The following ZBTB49 variants were observed in gnomAD, a reference collection of about 807,000 sequenced individuals.
The protein encoded by ZBTB49 is zinc finger and BTB domain-containing protein 49.
Under a neutral mutation model 57.5 loss-of-function variants are expected in ZBTB49, and 43 were observed. That is an observed-to-expected ratio of 0.75 (90% CI 0.59 to 0.97). The LOEUF (loss-of-function observed/expected upper bound fraction) is 0.97, where lower values mean the gene tolerates loss of function less well. ZBTB49 is among the 50% of genes least tolerant of loss of function. The pLI, the probability that ZBTB49 is intolerant of heterozygous loss-of-function variation, is 0.00. For synonymous variants in ZBTB49, 369 were observed against 362.1 expected, an observed-to-expected ratio of 1.02 and a Z score of -0.22; for missense variants, 938 against 947.7, an observed-to-expected ratio of 0.99 and a Z score of 0.13.
chr4:4,301,757 A>G (rs1287581549), intron 2 of ZBTB49, among the ~76,000 whole-genome samples: 33 of 152,170 alleles, frequency 2.2e-4, no homozygotes, highest in Admixed American at 2.2e-3. Flanking sequence ...TTCAAAATTT[A>G]CTTTGAGATA....
At chr4:4,299,498 ATG>A (rs1720376018) in intron 1 of ZBTB49, among the ~76,000 whole-genome samples, 1 of 152,142 alleles carries the variant, frequency 6.6e-6, no homozygotes, top group African/African-American at 2.4e-5. Context: ...ATACATTTTT[ATG>A]TATGTGTATA....
At position 4,290,342 on chromosome 4, in the gene ZBTB49, G is replaced by A. The variant is rs552209184; in HGVS notation, c.-30G>A. ...AAGAGTAGGCGGCGGGGCAGAGAGC[G>A]GCCTCCGAGGGTAAGGTGGCCGGCC... On this transcript the variant is annotated 5_prime_UTR_variant, in exon 1 of 8. Coordinates refer to ENST00000337872, the MANE Select transcript of ZBTB49 (RefSeq NM_145291.4). 1 of 152,586 alleles carries A rather than the reference G, an allele frequency of 6.6e-6. No individual in the cohort carries two copies. Among genetic ancestry groups the A allele is most frequent in the Admixed American group, 6.5e-5 (1 of 15,312 alleles). The allele number at this position is 152,586 out of a possible 1,614,324, so 9.5% of individuals were successfully genotyped here.
chr4:4,294,889 G>A (rs892967668), intron 1 of ZBTB49, among the ~76,000 whole-genome samples: 5 of 151,562 alleles, frequency 3.3e-5, no homozygotes, highest in Admixed American at 2.0e-4. Flanking sequence ...GTGTGTGTGT[G>A]TGTGTGTGTG....
rs573672529 is a variant in ZBTB49 at position 4,320,788 on chromosome 4, C to G, written c.1770C>G (p.Asp590Glu). ...RHKKMHCKAG[D>E]ESPDVLEELS... ...AGAAGATGCACTGCAAAGCTGGTGA[C>G]GAGAGCCCAGATGTGCTGGAGGAGC... Residue 590 changes from aspartate to glutamate, a missense_variant, in exon 8 of 8, where the codon GAC (aspartate) becomes GAG (glutamate). This residue lies in a region of ZBTB49 where 835 missense variants were observed against 819.1 expected (regional missense o/e 1.02). Coordinates refer to ENST00000337872, the MANE Select transcript of ZBTB49 (RefSeq NM_145291.4). 3 of 1,614,164 alleles carry G rather than the reference C, an allele frequency of 1.9e-6. No homozygotes were observed. The highest frequency in any genetic ancestry group is 2.5e-6 in the Non-Finnish European group (3 of 1,180,040).
At chr4:4,320,074 G>A (rs765023005) in intron 7 of ZBTB49, among the ~76,000 whole-genome samples, 3 of 151,702 alleles carry the variant, frequency 2.0e-5, no homozygotes, top group South Asian at 2.1e-4. Context: ...ACAAACACCC[G>A]AATACACAAA....
Position 4,302,395 on chromosome 4 carries a change from G to A in ZBTB49, c.559G>A (p.Ala187Thr), listed in dbSNP as rs181333843. Residue 187 changes from alanine (A) to threonine (T), a missense_variant, in exon 3 of 8, where the codon GCA becomes ACA. Coordinates refer to ENST00000337872, the MANE Select transcript of ZBTB49 (RefSeq NM_145291.4). The stretch of plus-strand genomic sequence containing the variant: ...ACCATCAGTTAATCGTCATCACTCC[G>A]CAGGTGAAATCTCAAAACAAGCTCC... ...ASPSVNRHHSAGEISKQAPDT... is the reference protein window; with the variant it reads ...ASPSVNRHHSTGEISKQAPDT... 1.8e-4 allele frequency: 285 copies of A among 1,614,198 alleles called. No homozygotes were observed. In the East Asian group the frequency reaches 5.4e-3, roughly 31 times the overall value.
intron 7 of ZBTB49, among the ~76,000 whole-genome samples, chr4:4,317,232 A>G (rs1721228457): frequency 1.3e-5 from 2 of 151,934 alleles, no homozygotes; most frequent in African/African-American, 4.8e-5. Context: ...TGCCTCACTA[A>G]CCCTGGTTTC....
chr4:4,315,377 G>A (rs1431628833), intron 5 of ZBTB49, among the ~76,000 whole-genome samples: 1 of 152,158 alleles, frequency 6.6e-6, no homozygotes, highest in African/African-American at 2.4e-5. Flanking sequence ...CTTGTGCTCT[G>A]TAAAACTGAG....
chr4:4,300,024 T>C lies in ZBTB49; in HGVS notation c.79T>C (p.Cys27Arg), dbSNP rs1180262587. 2 of 1,614,218 alleles carry C rather than the reference T, an allele frequency of 1.2e-6. No individual in the cohort carries two copies. Among genetic ancestry groups the C allele is most frequent in the Non-Finnish European group, 1.7e-6 (2 of 1,180,032 alleles). The change falls in exon 2 of 8, where the codon TGT becomes CGT. Residue 27 changes from cysteine (C) to arginine (R), a missense_variant. Cys to Arg is a radical substitution (Grantham distance 180). Around this residue, in one of 3 missense-constraint regions of ZBTB49, gnomAD observed 100 missense variants for 112.5 expected, o/e 0.89. Transcript: ENST00000337872. ...GCGAATCCAAGGCCTGCTTTGTGAC[T>C]GTATGTTGGTGGTAAAAGGAGTCTG... is the stretch of plus-strand genomic sequence containing the variant. ...EQRIQGLLCD[C>R]MLVVKGVCFK...
rs200841348 is a variant in ZBTB49 at position 4,302,181 on chromosome 4, A to G, written c.345A>G (p.Thr115=). 480 of 1,614,118 alleles carry G rather than the reference A, an allele frequency of 3.0e-4. 1 individual carries two copies. Among genetic ancestry groups the G allele is most frequent in the Non-Finnish European group, 3.9e-4 (460 of 1,180,052 alleles). ...QVQNVLSLCH[T]FLKSATVVQP... is the part of the protein sequence containing the mutation. Reference sequence around the variant, plus strand: ...AAAATGTTCTGAGTCTGTGTCACACATTTTTAAAATCAGCCACTGTAGTAC... The same window carrying G: ...AAAATGTTCTGAGTCTGTGTCACACGTTTTTAAAATCAGCCACTGTAGTAC... Residue 115 remains threonine (T), a synonymous_variant, in exon 3 of 8, where the codon ACA becomes ACG. Transcript: ENST00000337872.
intron 2 of ZBTB49, among the ~76,000 whole-genome samples, chr4:4,300,978 A>G (rs1720448142): frequency 6.6e-6 from 1 of 152,126 alleles, no homozygotes; most frequent in Admixed American, 6.6e-5. Context: ...GAATCATCAA[A>G]TTGAGTCTCA....
rs764708698 is a variant in ZBTB49 at position 4,321,267 on chromosome 4, G to T, written c.2249G>T (p.Trp750Leu). The T allele has an allele frequency of 6.2e-7, 1 of 1,613,838 alleles. No homozygotes were observed. Among genetic ancestry groups the T allele is most frequent in the African/African-American group, 1.3e-5 (1 of 75,046 alleles). Residue 750 changes from tryptophan to leucine, a missense_variant, in exon 8 of 8, where the codon TGG becomes TTG. Coordinates refer to ENST00000337872, the MANE Select transcript of ZBTB49 (RefSeq NM_145291.4). The stretch of plus-strand genomic sequence containing the variant: ...CAGTTTTTCTCCAGCATGACTCTCT[G>T]GGGGCTAGCGATGAAGACGCTGCAG... ...EGQFFSSMTL[W>L]GLAMKTLQNE... is the part of the protein sequence containing the mutation.
Position 4,303,005 on chromosome 4 carries a change from A to G in ZBTB49, c.1169A>G (p.Gln390Arg), listed in dbSNP as rs776324476. The G allele has an allele frequency of 6.8e-6, 11 of 1,614,112 alleles. No individual in the cohort carries two copies. Among genetic ancestry groups the G allele is most frequent in the Non-Finnish European group, 8.5e-6 (10 of 1,180,048 alleles). ...CTGGAAGACCAGTCCCAGACACTTC[A>G]GTCCCAGAGACAATACGCGTGTGAA... ...AALEDQSQTL[Q>R]SQRQYACELC... The change falls in exon 3 of 8, where the codon CAG becomes CGG. Residue 390 changes from glutamine to arginine, a missense_variant. By Grantham distance (43) the Gln-to-Arg change is conservative. Around this residue, in one of 3 missense-constraint regions of ZBTB49, gnomAD observed 835 missense variants for 819.1 expected, o/e 1.02. Coordinates refer to ENST00000337872, the MANE Select transcript of ZBTB49 (RefSeq NM_145291.4).
chr4:4,293,059 A>G (rs2108864367), intron 1 of ZBTB49, among the ~76,000 whole-genome samples: 1 of 152,328 alleles, frequency 6.6e-6, no homozygotes, highest in Non-Finnish European at 1.5e-5. Context: ...AAAAGAGATC[A>G]TCTAGTCCAA....
At chr4:4,308,798 G>A (rs1720854026) in intron 4 of ZBTB49, among the ~76,000 whole-genome samples, 1 of 152,178 alleles carries the variant, frequency 6.6e-6, no homozygotes, top group African/African-American at 2.4e-5. Flanking sequence ...TGTTGGAACT[G>A]CTGACAGTTA....
chr4:4,300,145 C>T (rs1437186187), intron 2 of ZBTB49, 48 bp downstream of exon 2: 1 of 1,596,484 alleles, frequency 6.3e-7, no homozygotes. Context: ...AAGGGTAAAG[C>T]TCTTTTAGTA....
At chr4:4,304,775 A>C (rs991384305) in intron 3 of ZBTB49, among the ~76,000 whole-genome samples, 1 of 152,154 alleles carries the variant, frequency 6.6e-6, no homozygotes, top group Non-Finnish European at 1.5e-5. Context: ...TTATGAGTGT[A>C]CAGTTAGTCT....
chr4:4,317,325 C>T (rs1560116641), intron 7 of ZBTB49, among the ~76,000 whole-genome samples: 3 of 152,182 alleles, frequency 2.0e-5, no homozygotes, highest in East Asian at 1.9e-4. Flanking sequence ...AGTTTTTTAA[C>T]AGCTTTGAGA....
chr4:4,309,046 C>T (rs1720865518), intron 4 of ZBTB49, among the ~76,000 whole-genome samples: 3 of 152,186 alleles, frequency 2.0e-5, no homozygotes, highest in Admixed American at 2.0e-4. Flanking sequence ...GTATGCCTAA[C>T]ATTATTTTCT....
Sources: allele counts gnomAD v4.1 joint callset (sites outside exome capture counted in the v4.1 genomes callset), GRCh38; gene constraint gnomAD v4.1.1; regional missense constraint gnomAD v4.1.1; transcripts MANE v1.5; gene names NCBI Gene and HGNC (gene_info 2026-07-23, HGNC 2026-07-21).